Variants in TUBB observed in about 807,000 individuals in gnomAD.
TUBB encodes tubulin beta class I, also known as tubulin beta chain.
In TUBB, 2 loss-of-function variants were observed where a neutral mutation model predicts 35.1. The ratio of observed to expected loss-of-function variants is 0.06; its 90% CI spans 0.02 to 0.18. The LOEUF is 0.18. TUBB is among the 10% of genes least tolerant of loss of function. The pLI is 1.00. For synonymous variants in TUBB, 205 were observed against 223.8 expected (o/e 0.92, Z 0.75); for missense variants, 50 against 599.4 (o/e 0.08, Z 9.57).
At position 30,721,758 on chromosome 6, in the gene TUBB, A is replaced by G. The variant is rs1327126332; in HGVS notation, c.58-779A>G. ...CCACCGAGCACTTGGGACCCGCTGC[A>G]CATATCCAGAGCAGGGAAAGCTGTG... On this transcript the variant is annotated intron_variant, in intron 1 of 3. Coordinates refer to ENST00000327892, the MANE Select transcript of TUBB (RefSeq NM_178014.4). 3 of 984,984 alleles carry G rather than the reference A, an allele frequency of 3.0e-6. No homozygotes were observed. In the East Asian group the frequency reaches 3.4e-4, roughly 112 times the overall value. 61.0% of individuals were successfully genotyped at this position (984,984 alleles called of 1,614,324 possible). A position where few individuals can be genotyped will look rare whatever the true frequency, so the allele number is the denominator to read the frequency against.
chr6:30,721,445 G>T (rs1041156963), intron 1 of TUBB: 2 of 605,316 alleles, frequency 3.3e-6, no homozygotes, highest in African/African-American at 4.0e-5. Flanking sequence ...GGGGCGCCGT[G>T]GGCGCGCGGG....
chr6:30,723,091 G>A, intron 3 of TUBB, 63 bp downstream of exon 3: 1 of 1,348,910 alleles, frequency 7.4e-7, no homozygotes, highest in Non-Finnish European at 1.0e-6. Flanking sequence ...TTGGGTGCAA[G>A]GACACAGCAA....
rs772651463 is a variant in TUBB, at chr6:30,720,465, C to T, written c.-42C>T. On this transcript the variant is annotated 5_prime_UTR_variant, in exon 1 of 4. Coordinates refer to ENST00000327892, the MANE Select transcript of TUBB (RefSeq NM_178014.4). ...AAAAAAAATTACTTATTTTCTTGCC[C>T]CATACATACCTTGAGGCGAGCAAAA... is the stretch of plus-strand genomic sequence containing the variant. 2 of 1,598,390 alleles carry T rather than the reference C, an allele frequency of 1.3e-6. No individual in the cohort carries two copies. Among genetic ancestry groups the T allele is most frequent in the Admixed American group, 1.7e-5 (1 of 60,000 alleles).
chr6:30,721,049 G>C (rs1430043489), intron 1 of TUBB, among the ~76,000 whole-genome samples: 1 of 152,244 alleles, frequency 6.6e-6, no homozygotes, highest in African/African-American at 2.4e-5. Flanking sequence ...GGCTGCGCTG[G>C]GCGCTACCTT....
chr6:30,722,288 C>T (rs1290048650), intron 1 of TUBB: 1 of 459,300 alleles, frequency 2.2e-6, no homozygotes, highest in South Asian at 2.5e-5. Flanking sequence ...ACTAAAAATA[C>T]AAAAAGTAGC....
chr6:30,721,669 G>A (rs1776276047), intron 1 of TUBB: 1 of 985,344 alleles, frequency 1.0e-6, no homozygotes, highest in Non-Finnish European at 1.2e-6. Context: ...CCGCGCGGTG[G>A]GGCGGTGCCC....
chr6:30,722,315 C>T (rs1201504315), intron 1 of TUBB: 7 of 526,496 alleles, frequency 1.3e-5, no homozygotes, highest in African/African-American at 3.8e-5. Context: ...TGTTGGTGCG[C>T]GCCTATAGTC....
In TUBB at chr6:30,724,851, G is replaced by A. The variant is rs1229186289; in HGVS notation, c.*454G>A. The A allele has an allele frequency of 1.2e-5, 2 of 164,914 alleles. No individual in the cohort carries two copies. Among genetic ancestry groups the A allele is most frequent in the African/African-American group, 2.4e-5 (1 of 41,784 alleles). The allele number at this position is 164,914 out of a possible 1,614,324, so 10.2% of individuals were successfully genotyped here. Reference sequence around the variant, plus strand: ...GGGGATGGGATTTTCCATTCTAAAAGTTTTGGAGAGGGAAATCCAGGCTAT... The same window carrying A: ...GGGGATGGGATTTTCCATTCTAAAAATTTTGGAGAGGGAAATCCAGGCTAT... On this transcript the variant is annotated 3_prime_UTR_variant, in exon 4 of 4. Transcript: ENST00000327892. The surrounding 1 kb of genome is among the most constrained non-coding windows in gnomAD (Gnocchi z 4.4).
rs3873309 is a variant in TUBB, at chr6:30,724,388, G to C, written c.1326G>C (p.Glu442Asp). The change falls in exon 4 of 4, where the codon GAG (glutamate) becomes GAC (aspartate). Residue 442 changes from glutamate to aspartate, a missense_variant. Physicochemically the swap from Glu to Asp is conservative, Grantham distance 45. Transcript: ENST00000327892. This position sits in a 1 kb window ranked among gnomAD's most constrained non-coding sequence, Gnocchi z 4.4. ...AGGATTTCGGTGAGGAGGCCGAAGAGGAGGCCTAAGGCAGAGCCCCCATCA... is the reference window on the plus strand; with the variant it reads ...AGGATTTCGGTGAGGAGGCCGAAGACGAGGCCTAAGGCAGAGCCCCCATCA... The part of the protein sequence containing the change: ...EEEDFGEEAE[E>D]EA 3.1e-6 allele frequency: 5 copies of C among 1,610,106 alleles called. No individual in the cohort carries two copies. Among genetic ancestry groups the C allele is most frequent in the Non-Finnish European group, 4.2e-6 (5 of 1,178,546 alleles).
intron 2 of TUBB, 81 bp from the exon 3 acceptor site, chr6:30,722,837 C>A: frequency 7.7e-7 from 1 of 1,291,864 alleles, no homozygotes; most frequent in Non-Finnish European, 1.1e-6. Context: ...AGTCTCTGAT[C>A]CCTGCTGTCT....
At position 30,720,646 on chromosome 6, in the gene TUBB, A is replaced by G; in HGVS notation, c.57+83A>G. The G allele has an allele frequency of 3.2e-6, 4 of 1,244,630 alleles. No individual in the cohort carries two copies. The South Asian group carries it at 5.3e-5, about 16-fold the overall frequency. 77.1% of individuals were successfully genotyped at this position (1,244,630 alleles called of 1,614,324 possible). ...GAAAAAATGGTTGTGGGGCATTTGC[A>G]CCCGCTATCCTTAATCAAGATTTGC... On this transcript the variant is annotated intron_variant, in intron 1 of 3. Transcript: ENST00000327892.
At chr6:30,721,509 C>A in intron 1 of TUBB, 1 of 977,388 alleles carries the variant, frequency 1.0e-6, no homozygotes. Flanking sequence ...CCCCGCCCCT[C>A]GCGCGCGGAA....
At chr6:30,722,823 G>A (rs1002013820) in intron 2 of TUBB, 95 bp from the exon 3 acceptor site, 4 of 1,237,172 alleles carry the variant, frequency 3.2e-6, no homozygotes, top group Non-Finnish European at 4.6e-6. Context: ...GACCTGGAAT[G>A]ACAAGTCTCT....
At chr6:30,722,886 G>T (rs757682952) in intron 2 of TUBB, 32 bp from the exon 3 acceptor site, 10 of 1,570,560 alleles carry the variant, frequency 6.4e-6, no homozygotes, top group Non-Finnish European at 7.9e-6. Context: ...CCTTCTGCCA[G>T]ATTTCACAGC....
Position 30,724,128 on chromosome 6 carries a change from A to G in TUBB, c.1066A>G (p.Ile356Val). 6.2e-7 allele frequency: 1 copy of G among 1,614,164 alleles called. No individual in the cohort carries two copies. ...CAATGTCAAGACAGCCGTCTGTGACATCCCACCTCGTGGCCTCAAGATGGC... is the reference window on the plus strand; with the variant it reads ...CAATGTCAAGACAGCCGTCTGTGACGTCCCACCTCGTGGCCTCAAGATGGC... Reference protein sequence around the residue: ...PNNVKTAVCDIPPRGLKMAVT... With the variant: ...PNNVKTAVCDVPPRGLKMAVT... Residue 356 changes from isoleucine to valine, a missense_variant, in exon 4 of 4, where the codon ATC (isoleucine) becomes GTC (valine). By Grantham distance (29) the Ile-to-Val change is conservative. Around this residue, in one of 2 missense-constraint regions of TUBB, gnomAD observed 38 missense variants for 578.9 expected, o/e 0.07. Coordinates refer to ENST00000327892, the MANE Select transcript of TUBB (RefSeq NM_178014.4). This position sits in a 1 kb window ranked among gnomAD's most constrained non-coding sequence, Gnocchi z 4.4.
chr6:30,722,851 A>G, intron 2 of TUBB, 67 bp from the exon 3 acceptor site: 1 of 1,386,046 alleles, frequency 7.2e-7, no homozygotes, highest in South Asian at 1.2e-5. Flanking sequence ...GCTGTCTCCC[A>G]TTTCCAGTAT....
chr6:30,720,653 A>G (rs966204137), intron 1 of TUBB, 90 bp downstream of exon 1: 20 of 1,115,676 alleles, frequency 1.8e-5, no homozygotes, highest in Non-Finnish European at 1.8e-5. Flanking sequence ...TGCACCCGCT[A>G]TCCTTAATCA....
At chr6:30,721,480 A>AGGGGCGCGCTACCTT (rs1482535996) in intron 1 of TUBB, 1 of 909,324 alleles carries the variant, frequency 1.1e-6, no homozygotes, top group Non-Finnish European at 1.3e-6. Flanking sequence ...GCCCGCCGGC[A>AGGGGCGCGCTACCTT]GGGGCGCGCT....
At chr6:30,721,746 G>C (rs1776284925) in intron 1 of TUBB, 4 of 985,336 alleles carry the variant, frequency 4.1e-6, no homozygotes, top group Non-Finnish European at 3.6e-6. Context: ...CCGAGCACTT[G>C]GGACCCGCTG....
Sources: allele counts gnomAD v4.1 joint callset (sites outside exome capture counted in the v4.1 genomes callset), GRCh38; gene constraint gnomAD v4.1.1; regional missense constraint gnomAD v4.1.1; non-coding constraint Gnocchi (gnomAD v3.1); transcripts MANE v1.5; gene names NCBI Gene and HGNC (gene_info 2026-07-23, HGNC 2026-07-21).